The following DCC variants were observed in gnomAD, a reference collection of about 807,000 sequenced individuals.
DCC encodes DCC netrin 1 receptor, also known as netrin receptor DCC.
Under a neutral mutation model 172.5 loss-of-function variants are expected in DCC, and 58 were observed. That is an observed-to-expected ratio of 0.34 (90% CI 0.27 to 0.42). DCC has a LOEUF of 0.42. DCC is among the 10% of genes least tolerant of loss of function. The probability of loss-of-function intolerance (pLI) is 1.00; values close to 1 mark genes in which losing one functional copy is unlikely to be tolerated. For missense variants in DCC, 1,740 were observed against 1,791.0 expected (o/e 0.97, Z 0.51); for synonymous variants, 709 against 644.5 (o/e 1.10, Z -1.52).
intron 9 of DCC, among the ~76,000 whole-genome samples, chr18:53,181,937 T>G (rs1055469056): frequency 6.6e-5 from 10 of 152,336 alleles, no homozygotes; most frequent in Non-Finnish European, 1.0e-4. Context: ...CAGATCATAC[T>G]GCATCCACCT....
intron 7 of DCC, among the ~76,000 whole-genome samples, chr18:53,098,203 T>A (rs530911892): frequency 6.7e-6 from 1 of 148,642 alleles, no homozygotes; most frequent in East Asian, 1.9e-4. Flanking sequence ...AGAATAGAGT[T>A]TTTTTTTTAA....
intron 1 of DCC, among the ~76,000 whole-genome samples, chr18:52,495,574 T>C (rs1037294080): frequency 3.9e-5 from 6 of 152,090 alleles, no homozygotes; most frequent in Admixed American, 3.3e-4. Flanking sequence ...CTTTTCTAGT[T>C]CATCTTGGCA....
chr18:52,774,703 C>A (rs900504159), intron 2 of DCC, among the ~76,000 whole-genome samples: 7 of 152,062 alleles, frequency 4.6e-5, no homozygotes, highest in Admixed American at 1.3e-4. Context: ...CTGGTTACTG[C>A]CTGTTTTCTC....
intron 15 of DCC, among the ~76,000 whole-genome samples, chr18:53,354,081 AG>A (rs2057847704): frequency 6.6e-6 from 1 of 152,172 alleles, no homozygotes; most frequent in Non-Finnish European, 1.5e-5. Flanking sequence ...GTCCCTACAA[AG>A]GACATGAACT....
chr18:53,081,113 TC>T (rs955891094), intron 7 of DCC, among the ~76,000 whole-genome samples: 31 of 151,974 alleles, frequency 2.0e-4, no homozygotes, highest in African/African-American at 7.2e-4. Flanking sequence ...TATCACTTTT[TC>T]CCCCCCTCCC....
intron 2 of DCC, among the ~76,000 whole-genome samples, chr18:52,762,838 A>T (rs2037185867): frequency 6.6e-6 from 1 of 152,206 alleles, no homozygotes; most frequent in Non-Finnish European, 1.5e-5. Context: ...AAAGATGGTC[A>T]TATATGTGGG....
chr18:53,234,289 C>T (rs773105388), intron 12 of DCC, among the ~76,000 whole-genome samples: 5 of 151,804 alleles, frequency 3.3e-5, no homozygotes, highest in Admixed American at 6.6e-5. Context: ...ATTAGCCGGG[C>T]GTGGTGTTGG....
At chr18:52,826,801 A>G (rs2038518316) in intron 2 of DCC, among the ~76,000 whole-genome samples, 1 of 152,182 alleles carries the variant, frequency 6.6e-6, no homozygotes, top group African/African-American at 2.4e-5. Flanking sequence ...ATCATTTTAC[A>G]GTCAGCCCTC....
chr18:52,698,489 A>T (rs752217424), intron 1 of DCC, among the ~76,000 whole-genome samples: 2 of 152,078 alleles, frequency 1.3e-5, no homozygotes, highest in Non-Finnish European at 2.9e-5. Context: ...ATGATTGTCT[A>T]CAGAGTTGGT....
chr18:52,684,700 A>G (rs1213741444), intron 1 of DCC, among the ~76,000 whole-genome samples: 1 of 151,920 alleles, frequency 6.6e-6, no homozygotes, highest in Non-Finnish European at 1.5e-5. Flanking sequence ...GAAGCAAGAT[A>G]AGCTGGACTG....
At chr18:53,487,728 C>T (rs967847423) in intron 26 of DCC, among the ~76,000 whole-genome samples, 1 of 152,054 alleles carries the variant, frequency 6.6e-6, no homozygotes, top group African/African-American at 2.4e-5. Context: ...CATAAATCGT[C>T]TAGATACAGC....
At chr18:52,458,156 C>A (rs1988516482) in intron 1 of DCC, among the ~76,000 whole-genome samples, 1 of 152,164 alleles carries the variant, frequency 6.6e-6, no homozygotes, top group Non-Finnish European at 1.5e-5. Flanking sequence ...CTCTCCACAG[C>A]AAGTCCCAGG....
chr18:53,051,266 A>G (rs2144038365), intron 5 of DCC, among the ~76,000 whole-genome samples: 1 of 152,230 alleles, frequency 6.6e-6, no homozygotes, highest in Middle Eastern at 3.4e-3. Flanking sequence ...TTTTTATTCA[A>G]GGGCATAATT....
At chr18:53,043,282 G>A (rs1195791452) in intron 5 of DCC, among the ~76,000 whole-genome samples, 2 of 151,382 alleles carry the variant, frequency 1.3e-5, no homozygotes, top group Non-Finnish European at 2.9e-5. Flanking sequence ...ATGAACACAG[G>A]GAGGGGAATA....
At chr18:52,555,008 G>A (rs1372634471) in intron 1 of DCC, among the ~76,000 whole-genome samples, 1 of 151,814 alleles carries the variant, frequency 6.6e-6, no homozygotes, top group Non-Finnish European at 1.5e-5. Context: ...CTTCTTTTGA[G>A]TTCAAAAGAC....
At chr18:53,395,883 T>G (rs1285825248) in intron 17 of DCC, among the ~76,000 whole-genome samples, 3 of 152,182 alleles carry the variant, frequency 2.0e-5, no homozygotes, top group Admixed American at 6.5e-5. Context: ...CCTCGAGTGA[T>G]CCATCCGCCT....
intron 1 of DCC, among the ~76,000 whole-genome samples, chr18:52,365,666 G>A (rs1464172672): frequency 6.6e-6 from 1 of 152,164 alleles, no homozygotes. Flanking sequence ...ACTGTAGTCA[G>A]ATATTACTTA....
At chr18:52,416,376 A>G (rs1987029565) in intron 1 of DCC, among the ~76,000 whole-genome samples, 1 of 151,958 alleles carries the variant, frequency 6.6e-6, no homozygotes, top group Non-Finnish European at 1.5e-5. Context: ...AGTTCTGTAG[A>G]TGTCTATTAG....
chr18:52,813,133 A>G (rs912611459), intron 2 of DCC, among the ~76,000 whole-genome samples: 3 of 151,748 alleles, frequency 2.0e-5, no homozygotes, highest in African/African-American at 7.3e-5. Context: ...GAACTTAATG[A>G]TCCCTAATGA....
Sources: gnomAD v4.1 joint callset for allele counts (sites outside exome capture counted in the v4.1 genomes callset) on GRCh38, gnomAD v4.1.1 for gene constraint, MANE v1.5 for transcripts, NCBI Gene and HGNC (gene_info 2026-07-23, HGNC 2026-07-21) for gene names.